The following ADAM9 variants were observed in gnomAD, a reference collection of about 807,000 sequenced individuals.
ADAM9 encodes disintegrin and metalloproteinase domain-containing protein 9.
A neutral mutation model predicts 108.1 loss-of-function variants in ADAM9; 54 were observed. The observed-to-expected ratio is 0.50, with a 90% CI of 0.40 to 0.63. ADAM9 has a LOEUF of 0.63. Among genes scored for constraint, ADAM9 ranks in the 20% least tolerant of loss-of-function variants. The pLI is 0.00. For synonymous variants in ADAM9, 316 were observed against 336.0 expected (o/e 0.94, Z 0.65); for missense variants, 830 against 997.7 (o/e 0.83, Z 2.26).
At chr8:39,024,096 T>C (rs1167806202) in intron 9 of ADAM9, among the ~76,000 whole-genome samples, 1 of 152,178 alleles carries the variant, frequency 6.6e-6, no homozygotes, top group African/African-American at 2.4e-5. Context: ...TGCTCTTTTG[T>C]CTTTTTTGTC....
intron 1 of ADAM9, among the ~76,000 whole-genome samples, chr8:39,006,635 G>A (rs867194279): frequency 1.3e-5 from 2 of 151,318 alleles, no homozygotes; most frequent in Admixed American, 6.6e-5. Context: ...TGGACTTATC[G>A]AGAGACTATG....
intron 14 of ADAM9, among the ~76,000 whole-genome samples, chr8:39,057,390 TATGTATTAC>T (rs1838160550): frequency 6.7e-6 from 1 of 149,442 alleles, no homozygotes; most frequent in African/African-American, 2.4e-5. Context: ...ATATCTTATA[TATGTATTAC>T]ATGAAAATCA....
intron 5 of ADAM9, 22 bp from the exon 6 acceptor site, chr8:39,017,197 A>G (rs1410341333): frequency 1.2e-6 from 2 of 1,613,754 alleles, no homozygotes; most frequent in Admixed American, 1.7e-5. Flanking sequence ...TAAAATTTGT[A>G]TACGTGTAAT....
At chr8:39,078,762 C>G (rs1050567173) in intron 16 of ADAM9, among the ~76,000 whole-genome samples, 1 of 152,010 alleles carries the variant, frequency 6.6e-6, no homozygotes, top group African/African-American at 2.4e-5. Flanking sequence ...GCCTGGGCAA[C>G]AAAGTGAGAC....
intron 14 of ADAM9, among the ~76,000 whole-genome samples, chr8:39,067,557 G>A (rs1473223893): frequency 1.3e-5 from 2 of 151,784 alleles, no homozygotes; most frequent in Non-Finnish European, 2.9e-5. Flanking sequence ...TCTGTTATTG[G>A]TGTATAAGAA....
chr8:39,045,219 CATATATGTGT>C (rs1564298774), intron 12 of ADAM9, among the ~76,000 whole-genome samples: 1 of 121,352 alleles, frequency 8.2e-6, no homozygotes, highest in Non-Finnish European at 1.7e-5. Context: ...TGTATACATA[CATATATGTGT>C]ATATATGTGT....
intron 20 of ADAM9, among the ~76,000 whole-genome samples, chr8:39,096,466 C>T (rs983347109): frequency 2.0e-5 from 3 of 152,046 alleles, no homozygotes; most frequent in African/African-American, 4.8e-5. Context: ...CTTTATGTAA[C>T]TGATGACACA....
intron 14 of ADAM9, among the ~76,000 whole-genome samples, chr8:39,056,440 T>C (rs1301338970): frequency 6.6e-6 from 1 of 152,162 alleles, no homozygotes; most frequent in African/African-American, 2.4e-5. Context: ...GCATTAGTTA[T>C]TAATTTCTCA....
rs186359242 is a variant in ADAM9 at position 39,060,656 on chromosome 8, C to T, written c.1591+4884C>T. On this transcript the variant is annotated intron_variant, in intron 14 of 21. Transcript: ENST00000487273. ...GTCAGATTTATTTTCTACTTTTTGT[C>T]GTGCAAATATCTTGCCAGTGACAAG... 4.6e-4 allele frequency among the ~76,000 whole-genome samples: 70 copies of T among 152,280 alleles called. 1 individual carries two copies. The highest frequency in any genetic ancestry group is 1.6e-3 in the African/African-American group (66 of 41,554).
At chr8:39,082,254 G>A (rs887891483) in intron 16 of ADAM9, among the ~76,000 whole-genome samples, 8 of 152,104 alleles carry the variant, frequency 5.3e-5, no homozygotes, top group South Asian at 4.1e-4. Context: ...TATGAGAGGT[G>A]TAATAGAAAT....
At chr8:39,015,627 T>G (rs1034046387) in intron 4 of ADAM9, 4 of 155,398 alleles carry the variant, frequency 2.6e-5, no homozygotes, top group Non-Finnish European at 5.7e-5. Flanking sequence ...TGACATATAC[T>G]TTTGTCCATA....
At position 39,072,330 on chromosome 8, in the gene ADAM9, G is replaced by A. The variant is rs146046211; in HGVS notation, c.1697+927G>A. On this transcript the variant is annotated intron_variant, in intron 15 of 21. Transcript: ENST00000487273. Reference sequence around the variant, plus strand: ...TTCTACCTCCTATGCTATCAGTTAAGCTAAGCAACTACAGTAAAACAGTGC... The same window carrying A: ...TTCTACCTCCTATGCTATCAGTTAAACTAAGCAACTACAGTAAAACAGTGC... Among the ~76,000 whole-genome samples, 10 of 152,276 alleles carry A rather than the reference G, an allele frequency of 6.6e-5. No homozygotes were observed. The East Asian group carries it at 1.7e-3, about 26-fold the overall frequency.
chr8:39,054,475 T>A lies in ADAM9; in HGVS notation c.1303-6T>A, dbSNP rs1397878404. Reference sequence around the variant, plus strand: ...TTCTTTATTGACAGTCATTTTATGTTCACAGGAATGTGAATTGGACCCTTG... The same window carrying A: ...TTCTTTATTGACAGTCATTTTATGTACACAGGAATGTGAATTGGACCCTTG... On this transcript the variant is annotated splice_region_variant and splice_polypyrimidine_tract_variant and intron_variant, in intron 12 of 21. Coordinates refer to ENST00000487273, the MANE Select transcript of ADAM9 (RefSeq NM_003816.3). 6.2e-7 allele frequency: 1 copy of A among 1,611,418 alleles called. No homozygotes were observed. The highest frequency in any genetic ancestry group is 8.5e-7 in the Non-Finnish European group (1 of 1,178,148).
At chr8:39,086,829 T>G (rs1307654045) in intron 18 of ADAM9, among the ~76,000 whole-genome samples, 1 of 152,188 alleles carries the variant, frequency 6.6e-6, no homozygotes, top group Non-Finnish European at 1.5e-5. Context: ...TAGCATTTAG[T>G]CTAGGGCTGA....
chr8:39,039,740 G>T (rs918143161), intron 11 of ADAM9, among the ~76,000 whole-genome samples: 2 of 152,198 alleles, frequency 1.3e-5, no homozygotes, highest in African/African-American at 4.8e-5. Flanking sequence ...TTATAAGGAT[G>T]AATAATTACC....
At chr8:38,998,298 C>T (rs1351777603) in intron 1 of ADAM9, among the ~76,000 whole-genome samples, 1 of 152,192 alleles carries the variant, frequency 6.6e-6, no homozygotes, top group East Asian at 1.9e-4. Flanking sequence ...CAAATTTCTT[C>T]TGGTTAAAAC....
chr8:39,044,326 G>A (rs569920014), intron 12 of ADAM9, among the ~76,000 whole-genome samples: 5 of 152,204 alleles, frequency 3.3e-5, no homozygotes, highest in Middle Eastern at 3.4e-3. Context: ...AGTTTTCCAC[G>A]GGGGAAGGGA....
chr8:39,014,037 T>C lies in ADAM9; in HGVS notation c.327T>C (p.Asn109=), dbSNP rs1214320550. The change falls in exon 4 of 22, where the codon AAT becomes AAC. Residue 109 remains asparagine, a synonymous_variant. Transcript: ENST00000487273. ...GGACTTTAATCACTGACCATCCCAA[T>C]ATACAGGTAATGTATTTTTCTCTTG... ...KEGTLITDHP[N]IQNHCHYRGY... 1.2e-5 allele frequency: 19 copies of C among 1,611,696 alleles called. No individual in the cohort carries two copies. Among genetic ancestry groups the C allele is most frequent in the Non-Finnish European group, 1.5e-5 (18 of 1,177,966 alleles).
intron 11 of ADAM9, among the ~76,000 whole-genome samples, chr8:39,030,462 A>G (rs1837061970): frequency 6.6e-6 from 1 of 152,208 alleles, no homozygotes; most frequent in Admixed American, 6.5e-5. Flanking sequence ...ATAATAACCC[A>G]TTGTTTGGAT....
Sources: gnomAD v4.1 joint callset for allele counts (sites outside exome capture counted in the v4.1 genomes callset) on GRCh38, gnomAD v4.1.1 for gene constraint, MANE v1.5 for transcripts, NCBI Gene and HGNC (gene_info 2026-07-23, HGNC 2026-07-21) for gene names.